The following SPAG16 variants were observed in gnomAD, a reference collection of about 807,000 sequenced individuals.
SPAG16 encodes the protein sperm-associated antigen 16 protein.
Under a neutral mutation model 80.4 loss-of-function variants are expected in SPAG16, and 86 were observed. The ratio of observed to expected loss-of-function variants is 1.07; its 90% CI spans 0.90 to 1.28. The LOEUF (loss-of-function observed/expected upper bound fraction) is 1.28, where lower values mean the gene tolerates loss of function less well. Ranked by LOEUF, SPAG16 falls within the 50% of genes most tolerant of loss-of-function variation. SPAG16 has a pLI of 0.00. For missense variants in SPAG16, 870 were observed against 765.3 expected, an observed-to-expected ratio of 1.14 and a Z score of -1.61; for synonymous variants, 294 against 265.9, an observed-to-expected ratio of 1.11 and a Z score of -1.03.
At chr2:213,648,850 A>G (rs1395157982) in intron 10 of SPAG16, among the ~76,000 whole-genome samples, 1 of 152,186 alleles carries the variant, frequency 6.6e-6, no homozygotes, top group African/African-American at 2.4e-5. Context: ...AGGATTGGGC[A>G]TTCTGGTTGA....
chr2:214,249,459 G>A (rs1690091824), intron 15 of SPAG16, among the ~76,000 whole-genome samples: 1 of 152,078 alleles, frequency 6.6e-6, no homozygotes, highest in Non-Finnish European at 1.5e-5. Context: ...GGGAGGAGAA[G>A]AGGAAGGAAG....
At chr2:213,440,332 G>A (rs1053717001) in intron 9 of SPAG16, among the ~76,000 whole-genome samples, 2 of 152,056 alleles carry the variant, frequency 1.3e-5, no homozygotes, top group Admixed American at 6.6e-5. Flanking sequence ...GGCAGATCAC[G>A]AGGTCAGGAG....
intron 9 of SPAG16, among the ~76,000 whole-genome samples, chr2:213,459,777 A>G (rs2072255022): frequency 6.6e-6 from 1 of 152,224 alleles, no homozygotes; most frequent in Non-Finnish European, 1.5e-5. Flanking sequence ...ACATTGTTAC[A>G]TTATCCAATG....
At chr2:214,362,588 T>C (rs1185892887) in intron 15 of SPAG16, among the ~76,000 whole-genome samples, 1 of 151,860 alleles carries the variant, frequency 6.6e-6, no homozygotes, top group African/African-American at 2.4e-5. Context: ...ATCTTGCCAA[T>C]TGTTTCCTCC....
At chr2:213,563,343 C>T (rs962433449) in intron 10 of SPAG16, among the ~76,000 whole-genome samples, 1 of 152,098 alleles carries the variant, frequency 6.6e-6, no homozygotes, top group Non-Finnish European at 1.5e-5. Context: ...TTTGTTTCCT[C>T]CCTTATCAGT....
At chr2:213,790,848 G>A (rs2070653720) in intron 10 of SPAG16, among the ~76,000 whole-genome samples, 1 of 152,054 alleles carries the variant, frequency 6.6e-6, no homozygotes, top group South Asian at 2.1e-4. Context: ...ACATCAAGAT[G>A]TCTGAAATAA....
chr2:214,027,550 C>A (rs1208247059), intron 13 of SPAG16, among the ~76,000 whole-genome samples: 16 of 151,706 alleles, frequency 1.1e-4, no homozygotes. Flanking sequence ...GCATTTAAAT[C>A]ATATTGATAA....
intron 10 of SPAG16, among the ~76,000 whole-genome samples, chr2:213,853,684 T>C (rs2075020919): frequency 6.6e-6 from 1 of 152,206 alleles, no homozygotes; most frequent in Admixed American, 6.6e-5. Flanking sequence ...AATCTTGTAA[T>C]TATAATTAAT....
intron 9 of SPAG16, among the ~76,000 whole-genome samples, chr2:213,472,373 A>C (rs1251205451): frequency 1.3e-5 from 2 of 152,082 alleles, no homozygotes; most frequent in Non-Finnish European, 2.9e-5. Flanking sequence ...CACTTGGTTA[A>C]GCTTTTGATA....
chr2:214,201,408 C>CT (rs1285614213), intron 15 of SPAG16, among the ~76,000 whole-genome samples: 1 of 152,148 alleles, frequency 6.6e-6, no homozygotes, highest in Non-Finnish European at 1.5e-5. Flanking sequence ...CCTGCAAACT[C>CT]TAAGCTTTCA....
In SPAG16 at chr2:213,604,258, A is replaced by G. The variant is rs1390980930; in HGVS notation, c.1070+114168A>G. Among the ~76,000 whole-genome samples the G allele has an allele frequency of 2.0e-5, 3 of 152,044 alleles. No homozygotes were observed. In the East Asian group the frequency reaches 5.8e-4, roughly 29 times the overall value. On this transcript the variant is annotated intron_variant, in intron 10 of 15. Coordinates refer to ENST00000331683, the MANE Select transcript of SPAG16 (RefSeq NM_024532.5). ...TTTTTAGGGAGGCCTTTTCTGCGCCATCTATTTAAATTGTCATTTCCCTTC... is the reference window on the plus strand; with the variant it reads ...TTTTTAGGGAGGCCTTTTCTGCGCCGTCTATTTAAATTGTCATTTCCCTTC...
chr2:214,263,317 T>C (rs1189225614), intron 15 of SPAG16, among the ~76,000 whole-genome samples: 1 of 152,162 alleles, frequency 6.6e-6, no homozygotes, highest in Non-Finnish European at 1.5e-5. Context: ...AATTCTTAAT[T>C]ACTGATTATT....
chr2:214,124,171 A>T (rs955354230), intron 14 of SPAG16, among the ~76,000 whole-genome samples: 12 of 152,022 alleles, frequency 7.9e-5, no homozygotes, highest in African/African-American at 2.7e-4. Flanking sequence ...TCTATCATTG[A>T]TTTTAAATTT....
intron 15 of SPAG16, among the ~76,000 whole-genome samples, chr2:214,256,973 T>TTGG (rs1192112486): frequency 6.6e-6 from 1 of 151,960 alleles, no homozygotes; most frequent in Non-Finnish European, 1.5e-5. Flanking sequence ...GGGAACTCTT[T>TTGG]TGGTGTGGAA....
chr2:213,379,613 G>GT (rs913537464), intron 9 of SPAG16, among the ~76,000 whole-genome samples: 71 of 152,320 alleles, frequency 4.7e-4, no homozygotes, highest in African/African-American at 1.7e-3. Flanking sequence ...CATATCCAGA[G>GT]TAAGTGTCTA....
chr2:213,889,531 T>A (rs924813155), intron 11 of SPAG16, among the ~76,000 whole-genome samples: 4 of 151,404 alleles, frequency 2.6e-5, no homozygotes, highest in Non-Finnish European at 5.9e-5. Context: ...TCTTTGTTAA[T>A]ATTTACAGTC....
chr2:214,336,574 T>A (rs1489998745), intron 15 of SPAG16, among the ~76,000 whole-genome samples: 1 of 152,100 alleles, frequency 6.6e-6, no homozygotes, highest in East Asian at 1.9e-4. Flanking sequence ...TAATAGCCAG[T>A]ATTACAACTT....
chr2:213,831,228 C>T (rs375823547), intron 10 of SPAG16, among the ~76,000 whole-genome samples: 80 of 151,428 alleles, frequency 5.3e-4, no homozygotes, highest in African/African-American at 1.6e-3. Context: ...TTAGTAGAGA[C>T]GGGGTTTCAC....
At position 213,692,034 on chromosome 2, in the gene SPAG16, A is replaced by G. The variant is rs149599906; in HGVS notation, c.1071-170451A>G. On this transcript the variant is annotated intron_variant, in intron 10 of 15. Coordinates refer to ENST00000331683, the MANE Select transcript of SPAG16 (RefSeq NM_024532.5). ...AGATGTCAACAAATATCTATGGAAC[A>G]CAAGCTAAATTACAGACTTGTAATT... Among the ~76,000 whole-genome samples, 674 of 152,368 alleles carry G rather than the reference A, an allele frequency of 4.4e-3. 6 individuals carry two copies. The highest frequency in any genetic ancestry group is 0.015 in the African/African-American group (617 of 41,590).
Sources: allele counts gnomAD v4.1 joint callset (sites outside exome capture counted in the v4.1 genomes callset), GRCh38; gene constraint gnomAD v4.1.1; transcripts MANE v1.5; gene names NCBI Gene and HGNC (gene_info 2026-07-23, HGNC 2026-07-21).